The following CDYL variants were observed in gnomAD, a reference collection of about 807,000 sequenced individuals.
CDYL encodes the protein chromodomain Y like.
In CDYL, 8 loss-of-function variants were observed where a neutral mutation model predicts 47.3. The observed-to-expected ratio is 0.17, with a 90% CI of 0.10 to 0.31. The LOEUF (loss-of-function observed/expected upper bound fraction) is 0.31, where lower values mean the gene tolerates loss of function less well. Ranked by LOEUF, CDYL falls within the 10% of genes least tolerant of loss-of-function variation. The probability of loss-of-function intolerance (pLI) is 1.00; values close to 1 mark genes in which losing one functional copy is unlikely to be tolerated. For synonymous variants in CDYL, 266 were observed against 265.0 expected, an observed-to-expected ratio of 1.00 and a Z score of -0.04; for missense variants, 471 against 701.4, an observed-to-expected ratio of 0.67 and a Z score of 3.71.
upstream of CDYL, among the ~76,000 whole-genome samples, chr6:4,773,433 G>T (rs1758368655): frequency 6.6e-6 from 1 of 152,118 alleles, no homozygotes; most frequent in Admixed American, 6.5e-5. This position sits in a 1 kb window ranked among gnomAD's most constrained non-coding sequence, Gnocchi z 4.6. Context: ...TTTCATAAAA[G>T]GTGGTGGAAA....
intron 2 of CDYL, among the ~76,000 whole-genome samples, chr6:4,720,617 A>G (rs981263039): frequency 4.1e-4 from 63 of 152,186 alleles, no homozygotes; most frequent in Admixed American, 4.1e-3. Context: ...CTTAACCACA[A>G]CCAATATTAC....
chr6:4,839,143 G>T (rs1041539988), intron 1 of CDYL, among the ~76,000 whole-genome samples: 2 of 152,174 alleles, frequency 1.3e-5, no homozygotes, highest in Non-Finnish European at 2.9e-5. Context: ...GTATCGCATT[G>T]TGGTTTTGAT....
intron 2 of CDYL, among the ~76,000 whole-genome samples, chr6:4,731,013 A>C (rs144578392): frequency 2.0e-5 from 3 of 152,308 alleles, no homozygotes; most frequent in African/African-American, 7.2e-5. Flanking sequence ...GCTTCTTTGC[A>C]TGTTTTCAAC....
intron 2 of CDYL, among the ~76,000 whole-genome samples, chr6:4,928,969 T>G (rs1757956201): frequency 6.6e-6 from 1 of 152,228 alleles, no homozygotes; most frequent in Non-Finnish European, 1.5e-5. Flanking sequence ...CTACATTTAG[T>G]TAATTACACT....
chr6:4,808,353 CATAGCA>C (rs1441535402), intron 1 of CDYL, among the ~76,000 whole-genome samples: 22 of 152,182 alleles, frequency 1.4e-4, no homozygotes, highest in African/African-American at 5.1e-4. Flanking sequence ...AGTTTAACAC[CATAGCA>C]TTCATTCTAA....
intron 1 of CDYL, among the ~76,000 whole-genome samples, chr6:4,876,431 G>A (rs982542722): frequency 1.3e-5 from 2 of 152,090 alleles, no homozygotes; most frequent in Non-Finnish European, 2.9e-5. Flanking sequence ...TGCCAAAGTG[G>A]CTGTCCCATT....
chr6:4,816,285 T>A (rs932781118), intron 1 of CDYL, among the ~76,000 whole-genome samples: 3 of 151,874 alleles, frequency 2.0e-5, no homozygotes, highest in African/African-American at 7.3e-5. Context: ...TCTTGATTAT[T>A]TTTGTGTATG....
chr6:4,743,123 C>T (rs535658868), intron 3 of CDYL, among the ~76,000 whole-genome samples: 2 of 152,294 alleles, frequency 1.3e-5, no homozygotes, highest in South Asian at 4.1e-4. Context: ...GGCCTGGCTG[C>T]CTTGAGACCA....
At chr6:4,737,555 G>C (rs1176154164) in intron 3 of CDYL, among the ~76,000 whole-genome samples, 4 of 151,624 alleles carry the variant, frequency 2.6e-5, no homozygotes, top group African/African-American at 9.7e-5. Flanking sequence ...GCTGAGGCAG[G>C]AGAATCCCTT....
intron 1 of CDYL, among the ~76,000 whole-genome samples, chr6:4,807,062 G>T (rs1169532483): frequency 1.3e-5 from 2 of 152,166 alleles, no homozygotes; most frequent in East Asian, 3.9e-4. Flanking sequence ...GTGTCTGTGT[G>T]TGTCCAAATT....
At chr6:4,721,148 G>C (rs1455117826) in intron 2 of CDYL, among the ~76,000 whole-genome samples, 5 of 152,230 alleles carry the variant, frequency 3.3e-5, no homozygotes, top group Middle Eastern at 3.4e-3. Context: ...ACCATATGCA[G>C]GAAGGATAGG....
At chr6:4,898,295 C>T (rs541605355) in intron 2 of CDYL, among the ~76,000 whole-genome samples, 2 of 152,256 alleles carry the variant, frequency 1.3e-5, no homozygotes, top group East Asian at 3.9e-4. Context: ...CCTGGGGCCA[C>T]AGCAGGAAAC....
intron 3 of CDYL, among the ~76,000 whole-genome samples, chr6:4,742,943 G>A (rs908449783): frequency 6.6e-6 from 1 of 152,176 alleles, no homozygotes; most frequent in Non-Finnish European, 1.5e-5. Flanking sequence ...CCAAGCTTGA[G>A]GTTTCTGTCC....
intron 4 of CDYL, among the ~76,000 whole-genome samples, chr6:4,938,041 G>GT (rs981001079): frequency 1.3e-5 from 2 of 152,236 alleles, no homozygotes; most frequent in African/African-American, 4.8e-5. Flanking sequence ...GATGATTAGA[G>GT]TAGATGATCA....
chr6:4,879,290 G>C (rs944106707), intron 1 of CDYL, among the ~76,000 whole-genome samples: 1 of 152,112 alleles, frequency 6.6e-6, no homozygotes, highest in African/African-American at 2.4e-5. Flanking sequence ...AACTGAGTTT[G>C]TGGATTACTT....
At chr6:4,722,272 G>A (rs1054667165) in intron 2 of CDYL, among the ~76,000 whole-genome samples, 1 of 151,810 alleles carries the variant, frequency 6.6e-6, no homozygotes, top group Middle Eastern at 3.2e-3. Flanking sequence ...AACCAGCCTG[G>A]GCAACACAGC....
chr6:4,946,613 G>A (rs1158699596), intron 5 of CDYL, among the ~76,000 whole-genome samples: 1 of 152,198 alleles, frequency 6.6e-6, no homozygotes, highest in East Asian at 1.9e-4. Flanking sequence ...GCCGGCCCAT[G>A]CCCTCTGGAG....
At chr6:4,813,416 T>C (rs1394069298) in intron 1 of CDYL, among the ~76,000 whole-genome samples, 1 of 152,248 alleles carries the variant, frequency 6.6e-6, no homozygotes, top group Non-Finnish European at 1.5e-5. Context: ...GGTGTGCTTT[T>C]GCAGCATCCG....
At chr6:4,857,895 C>A (rs549327956) in intron 1 of CDYL, among the ~76,000 whole-genome samples, 22 of 152,124 alleles carry the variant, frequency 1.4e-4, no homozygotes, top group Non-Finnish European at 2.5e-4. Flanking sequence ...TCTCATTATG[C>A]CTGTTAAGAA....
Sources: allele counts gnomAD v4.1 joint callset (sites outside exome capture counted in the v4.1 genomes callset), GRCh38; gene constraint gnomAD v4.1.1; non-coding constraint Gnocchi (gnomAD v3.1); transcripts MANE v1.5; gene names NCBI Gene and HGNC (gene_info 2026-07-23, HGNC 2026-07-21).